The following NIBAN2 variants were observed in gnomAD, a reference collection of about 807,000 sequenced individuals.
The protein encoded by NIBAN2 is niban apoptosis regulator 2, also known as protein Niban 2.
In NIBAN2, 36 loss-of-function variants were observed where a neutral mutation model predicts 81.8. The observed-to-expected ratio is 0.44, with a 90% CI of 0.34 to 0.58. The LOEUF is 0.58. Ranked by LOEUF, NIBAN2 falls within the 20% of genes least tolerant of loss-of-function variation. NIBAN2 has a pLI of 0.02. For synonymous variants in NIBAN2, 445 were observed against 441.6 expected (o/e 1.01, Z -0.10); for missense variants, 897 against 1,014.1 (o/e 0.88, Z 1.57).
intron 1 of NIBAN2, among the ~76,000 whole-genome samples, chr9:127,543,958 G>T (rs764575665): frequency 1.3e-5 from 2 of 152,210 alleles, no homozygotes; most frequent in Non-Finnish European, 2.9e-5. Context: ...TCACTGGGAC[G>T]TACTGCCAAA....
intron 1 of NIBAN2, among the ~76,000 whole-genome samples, chr9:127,577,110 C>T (rs1039807393): frequency 6.6e-6 from 1 of 151,790 alleles, no homozygotes; most frequent in African/African-American, 2.4e-5. Context: ...GAGTTTGAGA[C>T]CAGCCTGGCC....
At chr9:127,518,810 C>G (rs1286709813) in intron 5 of NIBAN2, among the ~76,000 whole-genome samples, 1 of 152,242 alleles carries the variant, frequency 6.6e-6, no homozygotes. Flanking sequence ...GCCTGCCCCA[C>G]TGGGCCCGGG....
chr9:127,524,583 G>C (rs1459272189), intron 4 of NIBAN2, among the ~76,000 whole-genome samples: 1 of 151,066 alleles, frequency 6.6e-6, no homozygotes, highest in Non-Finnish European at 1.5e-5. Flanking sequence ...CAGGAATGCT[G>C]CTGGAATCCA....
chr9:127,523,548 C>T, intron 5 of NIBAN2, 131 bp downstream of exon 5: 1 of 855,370 alleles, frequency 1.2e-6, no homozygotes, highest in Non-Finnish European at 1.8e-6. Context: ...TCTTATAACC[C>T]CAGAAGGGAA....
At chr9:127,574,250 A>G (rs1247960953) in intron 1 of NIBAN2, among the ~76,000 whole-genome samples, 1 of 152,132 alleles carries the variant, frequency 6.6e-6, no homozygotes, top group Admixed American at 6.5e-5. Context: ...CTCCCTGCCC[A>G]CTTGCTGGGC....
intron 1 of NIBAN2, among the ~76,000 whole-genome samples, chr9:127,565,345 T>C (rs558062015): frequency 6.6e-6 from 1 of 152,304 alleles, no homozygotes; most frequent in East Asian, 1.9e-4. Context: ...CAGGAGCGAC[T>C]ACTAAGGAGT....
intron 1 of NIBAN2, among the ~76,000 whole-genome samples, chr9:127,555,756 C>T (rs1837656256): frequency 6.6e-6 from 1 of 152,204 alleles, no homozygotes; most frequent in Non-Finnish European, 1.5e-5. Flanking sequence ...GATCCCAGGA[C>T]ACGTGAGCTC....
chr9:127,516,956 ACAGCACCTCCTCGAAGCGCGCCTTGGC>A lies in NIBAN2; in HGVS notation c.847_873del (p.Ala283_Leu291del). ...GCCGGCTGCACCTGCTGCACCTTGG[ACAGCACCTCCTCGAAGCGCGCCTTGGC>A]CTGCTCGTACACCATGTGGTACACG... On this transcript the variant is annotated inframe_deletion, in exon 8 of 14. Coordinates refer to ENST00000373312, the MANE Select transcript of NIBAN2 (RefSeq NM_022833.4). 1 of 1,613,926 alleles carries A rather than the reference ACAGCACCTCCTCGAAGCGCGCCTTGGC, an allele frequency of 6.2e-7. No individual in the cohort carries two copies. The highest frequency in any genetic ancestry group is 1.3e-5 in the African/African-American group (1 of 74,974).
chr9:127,549,892 A>ATCCC (rs1322402545), intron 1 of NIBAN2, among the ~76,000 whole-genome samples: 4 of 151,936 alleles, frequency 2.6e-5, no homozygotes, highest in Non-Finnish European at 4.4e-5. Context: ...CCAGAAGGGG[A>ATCCC]GGTGGGAGAA....
upstream of NIBAN2, among the ~76,000 whole-genome samples, chr9:127,573,276 G>C (rs1456120294): frequency 6.6e-6 from 1 of 151,996 alleles, no homozygotes; most frequent in Admixed American, 6.6e-5. Context: ...GACCCCAGAT[G>C]GGGAGGCAGC....
chr9:127,570,588 CA>C (rs1345889294), upstream of NIBAN2, among the ~76,000 whole-genome samples: 2 of 152,228 alleles, frequency 1.3e-5, no homozygotes, highest in East Asian at 3.8e-4. Flanking sequence ...TTCTATTATT[CA>C]TAGTCCCTGC....
chr9:127,548,311 G>A (rs1176872722), intron 1 of NIBAN2, among the ~76,000 whole-genome samples: 4 of 152,130 alleles, frequency 2.6e-5, no homozygotes, highest in Admixed American at 6.5e-5. Context: ...AACCTCGACC[G>A]ACCACAGCCC....
At chr9:127,541,032 G>A (rs1233938005) in intron 1 of NIBAN2, among the ~76,000 whole-genome samples, 5 of 152,234 alleles carry the variant, frequency 3.3e-5, no homozygotes, top group Non-Finnish European at 7.3e-5. Context: ...GGGGGAAAGA[G>A]GGGGGTGCCG....
At chr9:127,537,271 G>A (rs529048266) in intron 1 of NIBAN2, among the ~76,000 whole-genome samples, 3 of 152,176 alleles carry the variant, frequency 2.0e-5, no homozygotes, top group Admixed American at 6.5e-5. Context: ...AGCTGTTCCC[G>A]AGCTCTGAGC....
chr9:127,542,132 C>T (rs562959825), intron 1 of NIBAN2, among the ~76,000 whole-genome samples: 1 of 152,334 alleles, frequency 6.6e-6, no homozygotes, highest in East Asian at 1.9e-4. Context: ...AGAAACCTTC[C>T]AGTGGTACAG....
rs1219796013 is a variant in NIBAN2, at chr9:127,517,895, G to C, written c.636C>G (p.Ala212=). The C allele has an allele frequency of 2.5e-6, 4 of 1,613,242 alleles. No homozygotes were observed. The highest frequency in any genetic ancestry group is 3.4e-6 in the Non-Finnish European group (4 of 1,179,670). Residue 212 remains alanine (A), a synonymous_variant, in exon 6 of 14, where the codon GCC becomes GCG. Transcript: ENST00000373312. This position sits in a 1 kb window ranked among gnomAD's most constrained non-coding sequence, Gnocchi z 4.0. The stretch of plus-strand genomic sequence containing the variant: ...CCTTGGACTGTCGGTACATGCGGAT[G>C]GCATCTGTGAACGCAGGGCCCTCTA... ...SKVEGPAFTD[A]IRMYRQSKEL... is the part of the protein sequence containing the mutation.
intron 4 of NIBAN2, chr9:127,524,739 C>T (rs1300271864): frequency 7.6e-6 from 2 of 262,438 alleles, no homozygotes; most frequent in African/African-American, 4.5e-5. Context: ...ATCAGAGAGG[C>T]CAATGTTGTT....
chr9:127,513,634 C>A (rs1836773992), intron 8 of NIBAN2, among the ~76,000 whole-genome samples: 1 of 152,212 alleles, frequency 6.6e-6, no homozygotes, highest in Non-Finnish European at 1.5e-5. Flanking sequence ...GATGCCATGG[C>A]AACGTCAGGA....
At chr9:127,515,832 T>A (rs1357205000) in intron 8 of NIBAN2, among the ~76,000 whole-genome samples, 1 of 150,786 alleles carries the variant, frequency 6.6e-6, no homozygotes, top group Non-Finnish European at 1.5e-5. Context: ...CAAGACTCCA[T>A]CTCAAAATAA....
Sources: gnomAD v4.1 joint callset for allele counts (sites outside exome capture counted in the v4.1 genomes callset) on GRCh38, gnomAD v4.1.1 for gene constraint, Gnocchi (gnomAD v3.1) non-coding constraint, MANE v1.5 for transcripts, NCBI Gene and HGNC (gene_info 2026-07-23, HGNC 2026-07-21) for gene names.